RBMS1: variants seen among roughly 807,000 people sequenced by gnomAD.
The protein encoded by RBMS1 is RNA-binding motif, single-stranded-interacting protein 1.
In RBMS1, 17 loss-of-function variants were observed where a neutral mutation model predicts 62.3. The ratio of observed to expected loss-of-function variants is 0.27; its 90% CI spans 0.19 to 0.41. The LOEUF is 0.41. Among genes scored for constraint, RBMS1 ranks in the 10% least tolerant of loss-of-function variants. The probability of loss-of-function intolerance (pLI) is 1.00; values close to 1 mark genes in which losing one functional copy is unlikely to be tolerated. For synonymous variants in RBMS1, 172 were observed against 170.0 expected (o/e 1.01, Z -0.09); for missense variants, 334 against 504.5 (o/e 0.66, Z 3.24).
intron 1 of RBMS1, among the ~76,000 whole-genome samples, chr2:160,417,062 A>T (rs1285537723): frequency 6.6e-6 from 1 of 152,210 alleles, no homozygotes; most frequent in African/African-American, 2.4e-5. Context: ...CTAACAATTT[A>T]ACTTAACCTA....
intron 1 of RBMS1, among the ~76,000 whole-genome samples, chr2:160,492,244 C>T (rs1685863399): frequency 6.6e-6 from 1 of 152,172 alleles, no homozygotes; most frequent in Non-Finnish European, 1.5e-5. Flanking sequence ...GCTGCTGCGT[C>T]CAACTTCCAC....
chr2:160,435,874 A>G (rs928970780), intron 1 of RBMS1, among the ~76,000 whole-genome samples: 37 of 152,222 alleles, frequency 2.4e-4, no homozygotes, highest in Non-Finnish European at 4.4e-5. Context: ...ATGTTTCATC[A>G]ATAGCCAAGT....
chr2:160,476,588 T>C (rs1294936370), intron 1 of RBMS1, among the ~76,000 whole-genome samples: 1 of 129,694 alleles, frequency 7.7e-6, no homozygotes, highest in East Asian at 2.5e-4. Flanking sequence ...AGAGTCTCGC[T>C]CTGTCGCCCA....
At chr2:160,486,598 T>G (rs76959432) in intron 1 of RBMS1, among the ~76,000 whole-genome samples, 2,287 of 152,330 alleles carry the variant, frequency 0.015, 73 homozygotes, top group African/African-American at 0.052. Context: ...AGGGCCCATA[T>G]TGAGGCCAAG....
intron 1 of RBMS1, among the ~76,000 whole-genome samples, chr2:160,369,667 C>G (rs1006467720): frequency 6.6e-6 from 1 of 152,162 alleles, no homozygotes; most frequent in African/African-American, 2.4e-5. Flanking sequence ...TGGGATGAGA[C>G]TTGGAGAAGT....
chr2:160,490,563 T>G (rs561832152), intron 1 of RBMS1, among the ~76,000 whole-genome samples: 2 of 152,294 alleles, frequency 1.3e-5, no homozygotes, highest in African/African-American at 4.8e-5. Flanking sequence ...GATGGTATTT[T>G]TTTATTAATA....
At chr2:160,306,120 GTTTCTCT>G (rs1463383621) in intron 4 of RBMS1, among the ~76,000 whole-genome samples, 1 of 123,662 alleles carries the variant, frequency 8.1e-6, no homozygotes, top group African/African-American at 2.9e-5. Flanking sequence ...GAGCAAGATT[GTTTCTCT>G]CGTGTGTGTG....
At chr2:160,343,875 C>T (rs902336755) in intron 2 of RBMS1, among the ~76,000 whole-genome samples, 2 of 152,070 alleles carry the variant, frequency 1.3e-5, no homozygotes, top group Non-Finnish European at 2.9e-5. Flanking sequence ...ACATGAGCTA[C>T]AAGAAACTGA....
At position 160,324,253 on chromosome 2, in the gene RBMS1, G is replaced by A. The variant is rs531568905; in HGVS notation, c.252-6026C>T. Among the ~76,000 whole-genome samples the A allele has an allele frequency of 1.1e-3, 160 of 147,226 alleles. 1 individual carries two copies. In the Middle Eastern group the frequency reaches 0.046, roughly 42 times the overall value. ...CGTATGTGTGTGCGTGCAAGCATGC[G>A]TGCGCGTGCACACACACACACACAC... On this transcript the variant is annotated intron_variant, in intron 2 of 13. Coordinates refer to ENST00000348849, the MANE Select transcript of RBMS1 (RefSeq NM_016836.4).
chr2:160,450,727 T>C (rs1347612375), intron 1 of RBMS1, among the ~76,000 whole-genome samples: 1 of 152,132 alleles, frequency 6.6e-6, no homozygotes, highest in Non-Finnish European at 1.5e-5. Flanking sequence ...CCTTTTCCAG[T>C]CTATAATTAA....
chr2:160,403,109 C>T (rs561887053), intron 1 of RBMS1, among the ~76,000 whole-genome samples: 20 of 152,108 alleles, frequency 1.3e-4, no homozygotes, highest in African/African-American at 2.2e-4. Flanking sequence ...TGGACAATCA[C>T]GATGAATTGT....
At position 160,285,132 on chromosome 2, in the gene RBMS1, C is replaced by T. The variant is rs1042226044; in HGVS notation, c.757-88G>A. ...TTTAGCCAGGTGTGGTGGTGTGCAC[C>T]TGTAGTCCCAGCTGCTGGGGAGGCT... On this transcript the variant is annotated intron_variant, in intron 7 of 13. Coordinates refer to ENST00000348849, the MANE Select transcript of RBMS1 (RefSeq NM_016836.4). 7 of 1,303,904 alleles carry T rather than the reference C, an allele frequency of 5.4e-6. No homozygotes were observed. The Admixed American group carries it at 1.2e-4, about 22-fold the overall frequency. 80.8% of individuals were successfully genotyped at this position (1,303,904 alleles called of 1,614,324 possible). A position where few individuals can be genotyped will look rare whatever the true frequency, so the allele number is the denominator to read the frequency against.
At chr2:160,413,737 C>A (rs1343089448) in intron 1 of RBMS1, among the ~76,000 whole-genome samples, 2 of 152,168 alleles carry the variant, frequency 1.3e-5, no homozygotes, top group Non-Finnish European at 2.9e-5. Flanking sequence ...TAATAGCTGT[C>A]ATTTATTGAG....
At chr2:160,406,256 T>C (rs896874686) in intron 1 of RBMS1, among the ~76,000 whole-genome samples, 3 of 152,216 alleles carry the variant, frequency 2.0e-5, no homozygotes, top group African/African-American at 4.8e-5. Flanking sequence ...AAACATTTCT[T>C]TTCGACACTG....
chr2:160,453,503 G>T (rs796583686), intron 1 of RBMS1, among the ~76,000 whole-genome samples: 1 of 152,006 alleles, frequency 6.6e-6, no homozygotes, highest in Non-Finnish European at 1.5e-5. Context: ...TTTAAAAAAA[G>T]AATTTTAAAA....
At chr2:160,392,070 C>A (rs763642918) in intron 1 of RBMS1, among the ~76,000 whole-genome samples, 7 of 152,140 alleles carry the variant, frequency 4.6e-5, no homozygotes, top group Non-Finnish European at 7.4e-5. Context: ...ACTATCTAGT[C>A]AAGATTGAGC....
intron 1 of RBMS1, chr2:160,407,525 A>C (rs2105244897): frequency 1.0e-6 from 1 of 986,446 alleles, no homozygotes; most frequent in East Asian, 1.1e-4. Flanking sequence ...GCTGCTGGGG[A>C]AGATCATCGC....
chr2:160,399,344 A>C (rs1242661844), intron 1 of RBMS1, among the ~76,000 whole-genome samples: 1 of 152,144 alleles, frequency 6.6e-6, no homozygotes, highest in African/African-American at 2.4e-5. Flanking sequence ...CCTGTATTTC[A>C]GTATCTATAA....
intron 1 of RBMS1, among the ~76,000 whole-genome samples, chr2:160,451,641 C>T (rs529992849): frequency 1.3e-5 from 2 of 152,054 alleles, no homozygotes; most frequent in Admixed American, 1.3e-4. Context: ...CAGAGTCTTG[C>T]TCTGTCAGTC....
Sources: allele counts gnomAD v4.1 joint callset (sites outside exome capture counted in the v4.1 genomes callset), GRCh38; gene constraint gnomAD v4.1.1; transcripts MANE v1.5; gene names NCBI Gene and HGNC (gene_info 2026-07-23, HGNC 2026-07-21).